The following NUGGC variants were observed in gnomAD, a reference collection of about 807,000 sequenced individuals.
NUGGC encodes the protein nuclear GTPase SLIP-GC.
In NUGGC, 58 loss-of-function variants were observed where a neutral mutation model predicts 92.6. That is an observed-to-expected ratio of 0.63 (90% confidence interval 0.51 to 0.78). The LOEUF (loss-of-function observed/expected upper bound fraction) is 0.78. Ranked by LOEUF, NUGGC falls within the 30% of genes least tolerant of loss-of-function variation. The pLI is 0.00. For missense variants in NUGGC, 925 were observed against 964.6 expected, an observed-to-expected ratio of 0.96 and a Z score of 0.54; for synonymous variants, 376 against 366.4, an observed-to-expected ratio of 1.03 and a Z score of -0.30.
intron 13 of NUGGC, 49 bp downstream of exon 13, chr8:28,041,002 C>A: frequency 6.6e-7 from 1 of 1,515,748 alleles, no homozygotes; most frequent in South Asian, 1.2e-5. Context: ...GCTTGGGGAT[C>A]GGGCAGGCCT....
At chr8:28,023,659 C>T (rs945942804) in intron 18 of NUGGC, among the ~76,000 whole-genome samples, 197 bp from the exon 19 acceptor site, 2 of 152,180 alleles carry the variant, frequency 1.3e-5, no homozygotes, top group African/African-American at 4.8e-5. Context: ...TCAAAAGAAA[C>T]CCAAACCTAC....
intron 10 of NUGGC, among the ~76,000 whole-genome samples, chr8:28,048,194 C>T (rs1245371546): frequency 6.6e-6 from 1 of 152,212 alleles, no homozygotes; most frequent in Non-Finnish European, 1.5e-5. Context: ...TACTAAGAGG[C>T]ACATCATTTC....
Position 28,030,343 on chromosome 8 carries a change from A to G in NUGGC, c.1984T>C (p.Ser662Pro). Reference protein sequence around the residue: ...KRRIYESLTASVQSDLKLCYE... With the variant: ...KRRIYESLTAPVQSDLKLCYE... ...CAGAGCTTCAGGTCACTCTGGACAG[A>G]GGCAGTGAGGGACTCGTAGATCCTC... Residue 662 changes from serine (S) to proline (P), a missense_variant, in exon 16 of 19, where the codon TCT becomes CCT. Coordinates refer to ENST00000413272, the MANE Select transcript of NUGGC (RefSeq NM_001010906.2). 6.3e-7 allele frequency: 1 copy of G among 1,577,778 alleles called. No individual in the cohort carries two copies. The highest frequency in any genetic ancestry group is 8.6e-7 in the Non-Finnish European group (1 of 1,159,944).
In NUGGC at chr8:28,040,940, C is replaced by T. The variant is rs759589215; in HGVS notation, c.1611+111G>A. ...GATTACAGGCATGAGCCGCCATGCC[C>T]GGCCCGCTAACTCTTTACCTCTTTT... On this transcript the variant is annotated intron_variant, in intron 13 of 18. Transcript: ENST00000413272. The T allele has an allele frequency of 4.6e-5, 51 of 1,113,240 alleles. No homozygotes were observed. The East Asian group carries it at 9.4e-4, about 21-fold the overall frequency. 69.0% of individuals were successfully genotyped at this position (1,113,240 alleles called of 1,614,324 possible).
At chr8:28,040,998 G>A (rs1486517919) in intron 13 of NUGGC, 53 bp downstream of exon 13, 3 of 1,503,308 alleles carry the variant, frequency 2.0e-6, no homozygotes, top group Admixed American at 1.9e-5. Context: ...AGAAGCTTGG[G>A]GATCGGGCAG....
At chr8:28,074,897 C>A (rs990382300) in intron 1 of NUGGC, among the ~76,000 whole-genome samples, 4 of 152,106 alleles carry the variant, frequency 2.6e-5, no homozygotes, top group African/African-American at 9.7e-5. Context: ...CGAGATGGAA[C>A]CACTGCACTC....
In NUGGC at chr8:28,025,167, G is replaced by A. The variant is rs188417627; in HGVS notation, c.2246-1705C>T. Among the ~76,000 whole-genome samples the A allele has an allele frequency of 8.7e-4, 132 of 152,354 alleles. 1 individual carries two copies. Among genetic ancestry groups the A allele is most frequent in the African/African-American group, 3.0e-3 (126 of 41,584 alleles). On this transcript the variant is annotated intron_variant, in intron 18 of 18. Transcript: ENST00000413272. ...CAGAACACTGCCTGGCACCCAGGACGTGATCAGAATCGCTTGCTGAGTGAA... is the reference window on the plus strand; with the variant it reads ...CAGAACACTGCCTGGCACCCAGGACATGATCAGAATCGCTTGCTGAGTGAA...
Position 28,074,360 on chromosome 8 carries a change from G to A in NUGGC, c.43+8C>T, listed in dbSNP as rs1810667334. ...ATCCTCCATCAGAAGATACTGCAAA[G>A]ATGTTACCTGGATGCGGTTCCTGGC... On this transcript the variant is annotated splice_region_variant and intron_variant, in intron 2 of 18. Coordinates refer to ENST00000413272, the MANE Select transcript of NUGGC (RefSeq NM_001010906.2). 1.2e-6 allele frequency: 2 copies of A among 1,603,596 alleles called. No homozygotes were observed. Among genetic ancestry groups the A allele is most frequent in the African/African-American group, 2.7e-5 (2 of 74,640 alleles).
At chr8:28,066,795 T>C (rs1810449410) in intron 6 of NUGGC, among the ~76,000 whole-genome samples, 1 of 152,234 alleles carries the variant, frequency 6.6e-6, no homozygotes, top group African/African-American at 2.4e-5. Flanking sequence ...CCCTCTTTTA[T>C]GCCAGCAGAA....
At chr8:28,024,635 C>T (rs1445752944) in intron 18 of NUGGC, among the ~76,000 whole-genome samples, 1 of 152,214 alleles carries the variant, frequency 6.6e-6, no homozygotes, top group Non-Finnish European at 1.5e-5. Context: ...TCTAATCCCC[C>T]TTGGCTTTCT....
intron 6 of NUGGC, among the ~76,000 whole-genome samples, 187 bp from the exon 7 acceptor site, chr8:28,064,918 G>T (rs1208056870): frequency 1.3e-5 from 2 of 152,204 alleles, no homozygotes; most frequent in Admixed American, 6.5e-5. Flanking sequence ...AGAGGAGCAA[G>T]TTCAAGATCC....
At chr8:28,030,500 T>C in intron 15 of NUGGC, 82 bp from the exon 16 acceptor site, 1 of 728,826 alleles carries the variant, frequency 1.4e-6, no homozygotes, top group Non-Finnish European at 2.5e-6. Context: ...ATGGCCACCA[T>C]TCCCTCCACC....
chr8:28,067,834 C>G, intron 5 of NUGGC, 90 bp from the exon 6 acceptor site: 1 of 946,008 alleles, frequency 1.1e-6, no homozygotes, highest in Non-Finnish European at 1.6e-6. Flanking sequence ...TGTGGAGGGC[C>G]AGGGGGCTGC....
intron 1 of NUGGC, among the ~76,000 whole-genome samples, chr8:28,081,347 T>A (rs1585610807): frequency 1.2e-5 from 1 of 85,350 alleles, no homozygotes; most frequent in Non-Finnish European, 3.0e-5. Flanking sequence ...AAAGAGTTCG[T>A]TGTGAGAATT....
intron 9 of NUGGC, among the ~76,000 whole-genome samples, chr8:28,057,364 G>A (rs932972669): frequency 7.4e-6 from 1 of 134,548 alleles, no homozygotes; most frequent in African/African-American, 2.9e-5. Context: ...TGTTGTTTGA[G>A]ATGGAGTCTC....
chr8:28,040,578 A>G (rs1809667487), intron 13 of NUGGC, among the ~76,000 whole-genome samples: 2 of 151,576 alleles, frequency 1.3e-5, no homozygotes. Context: ...ACACAGATGA[A>G]CAACTGTTAT....
At chr8:28,070,729 G>C (rs1050390388) in intron 2 of NUGGC, among the ~76,000 whole-genome samples, 1 of 151,030 alleles carries the variant, frequency 6.6e-6, no homozygotes, top group Non-Finnish European at 1.5e-5. Flanking sequence ...TAGAGTACCT[G>C]GGACTACAGG....
rs1185234645 is a variant in NUGGC at position 28,030,473 on chromosome 8, G to T, written c.1909-55C>A. On this transcript the variant is annotated intron_variant, in intron 15 of 18. Coordinates refer to ENST00000413272, the MANE Select transcript of NUGGC (RefSeq NM_001010906.2). ...GTGACAATTCCTTCAATGGAAGCAG[G>T]TCAGGTGTCCCAGTGCATGGCCACC... The T allele has an allele frequency of 5.2e-5, 48 of 926,532 alleles. No individual in the cohort carries two copies. In the South Asian group the frequency reaches 6.0e-4, roughly 12 times the overall value. The allele number at this position is 926,532 out of a possible 1,614,324, so 57.4% of individuals were successfully genotyped here. A position where few individuals can be genotyped will look rare whatever the true frequency, so the allele number is the denominator to read the frequency against.
In NUGGC at chr8:28,029,306, C is replaced by T. The variant is rs1179160234; in HGVS notation, c.2114G>A (p.Arg705Lys). The part of the protein sequence containing the change: ...DRQVAEGMFE[R>K]AQERMQHQFQ... ...CTGGTGCTGCATCCTTTCCTGGGCC[C>T]TTTCAAACATGCCCTCAGCCACCTG... Residue 705 changes from arginine to lysine, a missense_variant, in exon 17 of 19, where the codon AGG becomes AAG. Transcript: ENST00000413272. 1.2e-6 allele frequency: 2 copies of T among 1,607,726 alleles called. No homozygotes were observed. Among genetic ancestry groups the T allele is most frequent in the Non-Finnish European group, 1.7e-6 (2 of 1,177,222 alleles).
Sources: allele counts gnomAD v4.1 joint callset (sites outside exome capture counted in the v4.1 genomes callset), GRCh38; gene constraint gnomAD v4.1.1; transcripts MANE v1.5; gene names NCBI Gene and HGNC (gene_info 2026-07-23, HGNC 2026-07-21).